FBN2: variants seen among roughly 807,000 people sequenced by gnomAD.
FBN2 encodes the protein fibrillin 2.
FBN2 carries 105 observed loss-of-function variants against 355.6 expected under a neutral mutation model. That is an observed-to-expected ratio of 0.30 (90% confidence interval 0.25 to 0.35). FBN2 has a LOEUF of 0.35. FBN2 is among the 10% of genes least tolerant of loss of function. The pLI, the probability that FBN2 is intolerant of heterozygous loss-of-function variation, is 1.00. For missense variants in FBN2, 3,280 were observed against 3,758.7 expected (o/e 0.87, Z 3.33); for synonymous variants, 1,350 against 1,301.2 (o/e 1.04, Z -0.81).
intron 5 of FBN2, among the ~76,000 whole-genome samples, chr5:128,468,955 T>A (rs1754784409): frequency 6.6e-6 from 1 of 152,228 alleles, no homozygotes; most frequent in Non-Finnish European, 1.5e-5. Flanking sequence ...CTTTTTGAAT[T>A]ATTTATATAC....
At chr5:128,474,027 G>A (rs1754944604) in intron 5 of FBN2, among the ~76,000 whole-genome samples, 1 of 152,184 alleles carries the variant, frequency 6.6e-6, no homozygotes, top group Non-Finnish European at 1.5e-5. Flanking sequence ...AGAATGAAGA[G>A]GCCGTAACGA....
intron 5 of FBN2, among the ~76,000 whole-genome samples, chr5:128,488,672 C>T (rs1166407523): frequency 6.8e-6 from 1 of 147,432 alleles, no homozygotes. Flanking sequence ...CCACAACAGT[C>T]CCCAGAGTGT....
chr5:128,393,086 T>A (rs1437488009), intron 10 of FBN2, 49 bp downstream of exon 10: 1 of 1,363,918 alleles, frequency 7.3e-7, no homozygotes, highest in Admixed American at 1.7e-5. Flanking sequence ...TATTATAATG[T>A]CACTTGAGGC....
chr5:128,259,356 A>G lies in FBN2; in HGVS notation c.*99T>C, dbSNP rs1157651723. 1 of 1,301,180 alleles carries G rather than the reference A, an allele frequency of 7.7e-7. No individual in the cohort carries two copies. The highest frequency in any genetic ancestry group is 1.1e-6 in the Non-Finnish European group (1 of 901,666). 80.6% of individuals were successfully genotyped at this position (1,301,180 alleles called of 1,614,324 possible). A position where few individuals can be genotyped will look rare whatever the true frequency, so the allele number is the denominator to read the frequency against. On this transcript the variant is annotated 3_prime_UTR_variant, in exon 65 of 65. Transcript: ENST00000262464. ...GACAGGGAGGAAAGAAACAAGAGTT[A>G]TTATTATTTTTCCTCTTTAAAATTA...
At chr5:128,380,689 G>A (rs191759121) in intron 11 of FBN2, among the ~76,000 whole-genome samples, 1 of 152,120 alleles carries the variant, frequency 6.6e-6, no homozygotes, top group Admixed American at 6.6e-5. Flanking sequence ...AAACCCATTT[G>A]TTGTTTTTCG....
intron 26 of FBN2, 91 bp downstream of exon 26, chr5:128,338,842 T>TA: frequency 7.1e-7 from 1 of 1,408,642 alleles, no homozygotes; most frequent in Non-Finnish European, 1.0e-6. Flanking sequence ...CACATGCCGT[T>TA]CACAGCCCAG....
At chr5:128,473,693 T>C (rs1201838429) in intron 5 of FBN2, among the ~76,000 whole-genome samples, 1 of 152,204 alleles carries the variant, frequency 6.6e-6, no homozygotes, top group Non-Finnish European at 1.5e-5. Context: ...TGCCTCCTCC[T>C]GCCTCCTATG....
At chr5:128,360,186 C>T (rs1451103747) in intron 19 of FBN2, among the ~76,000 whole-genome samples, 1 of 152,066 alleles carries the variant, frequency 6.6e-6, no homozygotes, top group Non-Finnish European at 1.5e-5. Flanking sequence ...TTTGAAATCC[C>T]TTCTTCCATC....
intron 62 of FBN2, among the ~76,000 whole-genome samples, chr5:128,268,609 C>T (rs773137429): frequency 2.6e-5 from 4 of 152,140 alleles, no homozygotes; most frequent in East Asian, 1.9e-4. Flanking sequence ...TGACGAACAT[C>T]GATGCGAAAA....
intron 6 of FBN2, among the ~76,000 whole-genome samples, chr5:128,452,928 T>C (rs1354756415): frequency 1.3e-5 from 2 of 152,144 alleles, no homozygotes; most frequent in Non-Finnish European, 2.9e-5. Context: ...ATTATTTCCA[T>C]TAGTAAACAG....
At chr5:128,489,288 A>C (rs7719223) in intron 5 of FBN2, among the ~76,000 whole-genome samples, 75,577 of 152,088 alleles carry the variant, frequency 0.5, 22,039 homozygotes, top group African/African-American at 0.82. Flanking sequence ...ATGGCAATTA[A>C]ACTTGTTACA....
At chr5:128,467,634 T>C (rs1754747442) in intron 5 of FBN2, among the ~76,000 whole-genome samples, 1 of 152,172 alleles carries the variant, frequency 6.6e-6, no homozygotes, top group Non-Finnish European at 1.5e-5. Context: ...TACTGATGTA[T>C]ACCATGCTAA....
chr5:128,444,228 G>A (rs1171454643), intron 7 of FBN2, among the ~76,000 whole-genome samples: 5 of 151,168 alleles, frequency 3.3e-5, no homozygotes, highest in East Asian at 2.0e-4. Flanking sequence ...GCCCGCCACC[G>A]CGCCCGGCTA....
intron 8 of FBN2, among the ~76,000 whole-genome samples, chr5:128,397,564 G>A (rs895989443): frequency 6.6e-6 from 1 of 152,148 alleles, no homozygotes; most frequent in African/African-American, 2.4e-5. Context: ...TGGTTGGTGG[G>A]AGAATGAAAT....
In FBN2 at chr5:128,500,263, G is replaced by A. The variant is rs530279725; in HGVS notation, c.628+19010C>T. Among the ~76,000 whole-genome samples, 16 of 142,440 alleles carry A rather than the reference G, an allele frequency of 1.1e-4. No individual in the cohort carries two copies. In the East Asian group the frequency reaches 3.0e-3, roughly 26 times the overall value. 93.4% of individuals were successfully genotyped at this position (142,440 alleles called of 152,430 possible). A position where few individuals can be genotyped will look rare whatever the true frequency, so the allele number is the denominator to read the frequency against. Reference sequence around the variant, plus strand: ...CAACAACAACAACAACAACAACAAAGGTCAAATGAAACTAACAACACTTTT... The same window carrying A: ...CAACAACAACAACAACAACAACAAAAGTCAAATGAAACTAACAACACTTTT... On this transcript the variant is annotated intron_variant, in intron 5 of 64. Coordinates refer to ENST00000262464, the MANE Select transcript of FBN2 (RefSeq NM_001999.4).
chr5:128,333,072 C>CA lies in FBN2; in HGVS notation c.4100-39dup, dbSNP rs768150428. ...AATTCATAAGAAGAAAATCAAAATACAAACTAATTAATTCTACTTCCAAGT... is the reference window on the plus strand; with the variant it reads ...AATTCATAAGAAGAAAATCAAAATACAAAACTAATTAATTCTACTTCCAAGT... On this transcript the variant is annotated intron_variant, in intron 31 of 64. Coordinates refer to ENST00000262464, the MANE Select transcript of FBN2 (RefSeq NM_001999.4). The CA allele has an allele frequency of 1.1e-5, 17 of 1,560,998 alleles. No individual in the cohort carries two copies. The African/African-American group carries it at 2.0e-4, about 19-fold the overall frequency.
In FBN2 at chr5:128,420,820, G is replaced by C. The variant is rs1042418461; in HGVS notation, c.953-12021C>G. ...CATTAAGTAATTGCTAATTAAAAAG[G>C]CCTTTGATTTGCCACATACCAAATA... On this transcript the variant is annotated intron_variant, in intron 7 of 64. Coordinates refer to ENST00000262464, the MANE Select transcript of FBN2 (RefSeq NM_001999.4). 2.6e-5 allele frequency among the ~76,000 whole-genome samples: 4 copies of C among 152,102 alleles called. No homozygotes were observed. In the South Asian group the frequency reaches 6.2e-4, roughly 24 times the overall value.
At chr5:128,424,569 C>G (rs570939546) in intron 7 of FBN2, among the ~76,000 whole-genome samples, 1 of 151,918 alleles carries the variant, frequency 6.6e-6, no homozygotes. Flanking sequence ...AATATATATT[C>G]TTTCTTGTCC....
chr5:128,352,713 C>A (rs1267178318), intron 20 of FBN2, among the ~76,000 whole-genome samples: 2 of 152,148 alleles, frequency 1.3e-5, no homozygotes, highest in Non-Finnish European at 2.9e-5. Context: ...GCCCAGGAAT[C>A]TGAATTTTGA....
Sources: allele counts gnomAD v4.1 joint callset (sites outside exome capture counted in the v4.1 genomes callset), GRCh38; gene constraint gnomAD v4.1.1; transcripts MANE v1.5; gene names NCBI Gene and HGNC (gene_info 2026-07-23, HGNC 2026-07-21).